CNTN4: variants seen among roughly 807,000 people sequenced by gnomAD.
The protein encoded by CNTN4 is contactin 4.
CNTN4 carries 77 observed loss-of-function variants against 122.5 expected under a neutral mutation model. The observed-to-expected ratio is 0.63, with a 90% CI of 0.52 to 0.76. The LOEUF is 0.76. Ranked by LOEUF, CNTN4 falls within the 30% of genes least tolerant of loss-of-function variation. The probability of loss-of-function intolerance (pLI) is 0.00; values close to 1 mark genes in which losing one functional copy is unlikely to be tolerated. For synonymous variants in CNTN4, 512 were observed against 447.0 expected, an observed-to-expected ratio of 1.15 and a Z score of -1.83; for missense variants, 1,256 against 1,259.1, an observed-to-expected ratio of 1.00 and a Z score of 0.04.
intron 6 of CNTN4, among the ~76,000 whole-genome samples, chr3:2,750,096 A>G (rs2090017592): frequency 6.6e-6 from 1 of 152,226 alleles, no homozygotes; most frequent in South Asian, 2.1e-4. Flanking sequence ...TTTAAAAATG[A>G]AATTGAAGAT....
At chr3:2,447,639 AAT>A (rs1370905321) in intron 3 of CNTN4, among the ~76,000 whole-genome samples, 6 of 152,110 alleles carry the variant, frequency 3.9e-5, no homozygotes, top group African/African-American at 7.2e-5. Context: ...TTTATTCAAA[AAT>A]ATGTGTTGAG....
chr3:2,162,992 G>C (rs551296030), intron 2 of CNTN4, among the ~76,000 whole-genome samples: 1 of 152,276 alleles, frequency 6.6e-6, no homozygotes, highest in East Asian at 1.9e-4. Flanking sequence ...AGCTACTCTG[G>C]AGGCTGAGGT....
intron 2 of CNTN4, among the ~76,000 whole-genome samples, chr3:2,129,264 CAAAAAAA>C (rs11390812): frequency 3.1e-5 from 2 of 63,844 alleles, no homozygotes; most frequent in Non-Finnish European, 6.6e-5. Context: ...TCCAAACCTG[CAAAAAAA>C]AAAAAAAAAA....
chr3:2,188,484 A>G (rs1436749153), intron 2 of CNTN4, among the ~76,000 whole-genome samples: 3 of 152,116 alleles, frequency 2.0e-5, no homozygotes, highest in Non-Finnish European at 2.9e-5. Flanking sequence ...GAGGCTTCCA[A>G]AGATCTCTGG....
At chr3:2,623,162 A>G (rs2082054582) in intron 4 of CNTN4, among the ~76,000 whole-genome samples, 1 of 152,176 alleles carries the variant, frequency 6.6e-6, no homozygotes, top group African/African-American at 2.4e-5. Flanking sequence ...CACGTTTTTC[A>G]AAAGTGATAT....
chr3:2,735,872 C>A (rs1301803094), intron 4 of CNTN4: 2 of 454,110 alleles, frequency 4.4e-6, no homozygotes, highest in Admixed American at 5.2e-5. Context: ...ATGACAGTAG[C>A]ACAAAAGGGA....
intron 2 of CNTN4, among the ~76,000 whole-genome samples, chr3:2,332,383 T>C (rs890923897): frequency 6.6e-6 from 1 of 152,144 alleles, no homozygotes; most frequent in Non-Finnish European, 1.5e-5. Flanking sequence ...AAGAGTCTTT[T>C]ATATTTACAG....
At chr3:2,518,354 A>G (rs192594539) in intron 3 of CNTN4, among the ~76,000 whole-genome samples, 2 of 152,302 alleles carry the variant, frequency 1.3e-5, no homozygotes, top group Admixed American at 1.3e-4. Context: ...TCATTTTCGT[A>G]ATACATGAAT....
chr3:2,171,053 C>T (rs11717879), intron 2 of CNTN4, among the ~76,000 whole-genome samples: 2,842 of 152,092 alleles, frequency 0.019, 25 homozygotes, highest in Middle Eastern at 0.038. Flanking sequence ...TGATTTTAGT[C>T]GAATAACTAT....
At chr3:2,129,222 A>G (rs749319688) in intron 2 of CNTN4, among the ~76,000 whole-genome samples, 2 of 148,178 alleles carry the variant, frequency 1.3e-5, no homozygotes, top group African/African-American at 2.5e-5. Flanking sequence ...TTGTGATACT[A>G]TTAAGATCCC....
intron 3 of CNTN4, among the ~76,000 whole-genome samples, chr3:2,429,234 TGATGGTGACCTACA>T (rs1382351958): frequency 6.6e-6 from 1 of 152,242 alleles, no homozygotes; most frequent in African/African-American, 2.4e-5. Flanking sequence ...TGGTCTTTGA[TGATGGTGACCTACA>T]GATGGGATTT....
chr3:3,050,763 CAAAA>C lies in CNTN4; in HGVS notation c.2812-3027_2812-3024del, dbSNP rs1184756504. ...GGGCAATAAGAGTGAAACTCCGTCT[CAAAA>C]AAAAAAAAAAAAAAAATCCAGGCTC... is the stretch of plus-strand genomic sequence containing the variant. On this transcript the variant is annotated intron_variant, in intron 23 of 24. Transcript: ENST00000418658. Among the ~76,000 whole-genome samples the C allele has an allele frequency of 7.6e-4, 65 of 84,998 alleles. 2 individuals are homozygous for C. In the South Asian group the frequency reaches 0.029, roughly 38 times the overall value. The allele number at this position is 84,998 out of a possible 152,430, so 55.8% of individuals were successfully genotyped here.
chr3:2,911,617 G>T (rs1017029368), intron 12 of CNTN4, among the ~76,000 whole-genome samples: 4 of 152,004 alleles, frequency 2.6e-5, no homozygotes, highest in Non-Finnish European at 5.9e-5. Flanking sequence ...AATTACCAAA[G>T]AATTCTAATT....
intron 6 of CNTN4, among the ~76,000 whole-genome samples, chr3:2,763,248 G>A (rs888955404): frequency 6.6e-6 from 1 of 152,148 alleles, no homozygotes; most frequent in South Asian, 2.1e-4. Flanking sequence ...CGCAGCTGAT[G>A]TTGAGCTTTT....
chr3:2,652,076 C>A (rs1417095768), intron 4 of CNTN4, among the ~76,000 whole-genome samples: 1 of 151,246 alleles, frequency 6.6e-6, no homozygotes, highest in East Asian at 1.9e-4. Flanking sequence ...GTTCTAGCAA[C>A]TTGGTAGGAG....
chr3:2,218,549 AAAG>A (rs1388202872), intron 2 of CNTN4, among the ~76,000 whole-genome samples: 1 of 152,156 alleles, frequency 6.6e-6, no homozygotes, highest in Non-Finnish European at 1.5e-5. Context: ...AAAATAAAAA[AAAG>A]TTTTTTGACA....
intron 4 of CNTN4, among the ~76,000 whole-genome samples, chr3:2,630,310 A>C (rs1364527921): frequency 6.6e-6 from 1 of 152,150 alleles, no homozygotes; most frequent in East Asian, 1.9e-4. Flanking sequence ...ATGGGGGTAC[A>C]CAACTGTAGT....
chr3:2,624,907 A>T (rs2082126175), intron 4 of CNTN4, among the ~76,000 whole-genome samples: 1 of 152,016 alleles, frequency 6.6e-6, no homozygotes, highest in Admixed American at 6.6e-5. Flanking sequence ...TGCTGGGATT[A>T]CAGGCATGAG....
At chr3:2,868,077 ATCT>A (rs928260020) in intron 8 of CNTN4, among the ~76,000 whole-genome samples, 3 of 152,114 alleles carry the variant, frequency 2.0e-5, no homozygotes, top group African/African-American at 7.2e-5. Flanking sequence ...ACACATTCAG[ATCT>A]TCTATTATGA....
Sources: allele counts gnomAD v4.1 joint callset (sites outside exome capture counted in the v4.1 genomes callset), GRCh38; gene constraint gnomAD v4.1.1; transcripts MANE v1.5; gene names NCBI Gene and HGNC (gene_info 2026-07-23, HGNC 2026-07-21).